The following PMM2 variants were observed in gnomAD, a reference collection of about 807,000 sequenced individuals.
PMM2 encodes mannose-6-phosphate isomerase.
In PMM2, 35 loss-of-function variants were observed where a neutral mutation model predicts 33.2. The ratio of observed to expected loss-of-function variants is 1.06; its 90% CI spans 0.81 to 1.40. PMM2 has a LOEUF of 1.40. Among genes scored for constraint, PMM2 ranks in the 40% most tolerant of loss-of-function variants. The probability of loss-of-function intolerance (pLI) is 0.00; values close to 1 mark genes in which losing one functional copy is unlikely to be tolerated. For missense variants in PMM2, 386 were observed against 306.0 expected (o/e 1.26, Z -1.95); for synonymous variants, 153 against 114.7 (o/e 1.33, Z -2.13).
intron 7 of PMM2, among the ~76,000 whole-genome samples, chr16:8,816,252 G>A (rs545228809): frequency 3.8e-4 from 58 of 151,982 alleles, no homozygotes; most frequent in Admixed American, 1.2e-3. Context: ...TCAGCCTCCC[G>A]AGTAGCTGGG....
At chr16:8,808,459 T>C (rs1003210031) in intron 4 of PMM2, 8 of 151,904 alleles carry the variant, frequency 5.3e-5, no homozygotes, top group Non-Finnish European at 8.8e-5. Context: ...TCCAGAACAG[T>C]AGAAGAGACC....
At chr16:8,804,067 C>G (rs566800632) in intron 2 of PMM2, among the ~76,000 whole-genome samples, 3 of 107,942 alleles carry the variant, frequency 2.8e-5, no homozygotes, top group African/African-American at 3.8e-5. Context: ...TAGACAGAGT[C>G]TTGCACCGTT....
intron 7 of PMM2, among the ~76,000 whole-genome samples, chr16:8,827,661 G>T (rs2060777332): frequency 7.1e-6 from 1 of 140,314 alleles, no homozygotes; most frequent in Admixed American, 7.5e-5. Context: ...CTCTCAAAGT[G>T]CTGGGATTAC....
In PMM2 at chr16:8,842,676, T is replaced by C. The variant is rs186102209; in HGVS notation, c.640-5048T>C. Among the ~76,000 whole-genome samples the C allele has an allele frequency of 4.3e-3, 662 of 152,316 alleles. 2 individuals carry two copies. Among genetic ancestry groups the C allele is most frequent in the Non-Finnish European group, 7.6e-3 (514 of 68,034 alleles). Reference sequence around the variant, plus strand: ...TGGATAGGCAAAACAATTTGGTTGATAAGGCGCAGATCCTGAACTAATCTG... The same window carrying C: ...TGGATAGGCAAAACAATTTGGTTGACAAGGCGCAGATCCTGAACTAATCTG... On this transcript the variant is annotated intron_variant, in intron 7 of 7. Coordinates refer to ENST00000268261, the MANE Select transcript of PMM2 (RefSeq NM_000303.3).
chr16:8,801,629 G>A (rs923162448), intron 1 of PMM2, among the ~76,000 whole-genome samples, 170 bp from the exon 2 acceptor site: 1 of 152,134 alleles, frequency 6.6e-6, no homozygotes, highest in African/African-American at 2.4e-5. Context: ...CTATGACCAT[G>A]CCACTGCACT....
At chr16:8,802,625 T>C (rs970807868) in intron 2 of PMM2, among the ~76,000 whole-genome samples, 5 of 151,940 alleles carry the variant, frequency 3.3e-5, no homozygotes, top group African/African-American at 1.2e-4. Flanking sequence ...GGTCAGGAGT[T>C]TGAGACCAGC....
intron 5 of PMM2, 65 bp downstream of exon 5, chr16:8,811,243 T>C (rs2060676151): frequency 9.3e-7 from 1 of 1,072,490 alleles, no homozygotes; most frequent in Non-Finnish European, 1.4e-6. Flanking sequence ...TGGCCTGGTG[T>C]GGTGGTTCAT....
chr16:8,811,003 A>T (rs1044557386), intron 4 of PMM2, 76 bp from the exon 5 acceptor site: 1 of 830,040 alleles, frequency 1.2e-6, no homozygotes, highest in Non-Finnish European at 2.0e-6. Context: ...ATTTCCCAAG[A>T]TTTTAGGCTG....
chr16:8,847,223 G>C (rs889742681), intron 7 of PMM2, among the ~76,000 whole-genome samples: 1 of 152,096 alleles, frequency 6.6e-6, no homozygotes, highest in African/African-American at 2.4e-5. Context: ...CATTGGCCAC[G>C]TTTCAAGTGT....
intron 7 of PMM2, among the ~76,000 whole-genome samples, chr16:8,845,106 G>A (rs941334439): frequency 9.8e-5 from 15 of 152,338 alleles, no homozygotes; most frequent in African/African-American, 3.6e-4. Context: ...CTGGGTGCAG[G>A]CGGGCTGAGT....
chr16:8,836,794 C>T (rs1332410088), intron 7 of PMM2, among the ~76,000 whole-genome samples: 7 of 151,474 alleles, frequency 4.6e-5, no homozygotes, highest in Admixed American at 3.9e-4. Flanking sequence ...TGCTGCCAAA[C>T]GAGCCATGAA....
intron 7 of PMM2, among the ~76,000 whole-genome samples, chr16:8,839,568 G>T (rs1339119606): frequency 6.6e-6 from 1 of 152,084 alleles, no homozygotes; most frequent in African/African-American, 2.4e-5. Flanking sequence ...GGAAGAGTCT[G>T]ATGAGCAAGG....
chr16:8,833,585 A>G (rs1230787720), intron 7 of PMM2, among the ~76,000 whole-genome samples: 1 of 151,632 alleles, frequency 6.6e-6, no homozygotes, highest in African/African-American at 2.4e-5. Context: ...GGCTGCTTCA[A>G]GCGGGATTAG....
At chr16:8,827,435 A>G (rs2060775449) in intron 7 of PMM2, among the ~76,000 whole-genome samples, 1 of 149,280 alleles carries the variant, frequency 6.7e-6, no homozygotes, top group South Asian at 2.1e-4. Flanking sequence ...TCTGTCACCC[A>G]GGCTAGATAG....
chr16:8,799,068 T>G (rs1196015315), intron 1 of PMM2, among the ~76,000 whole-genome samples: 1 of 152,212 alleles, frequency 6.6e-6, no homozygotes, highest in Admixed American at 6.5e-5. Context: ...CCAATTCATT[T>G]TTTGTAAAGG....
chr16:8,799,746 C>G (rs2060601926), intron 1 of PMM2, among the ~76,000 whole-genome samples: 1 of 152,098 alleles, frequency 6.6e-6, no homozygotes, highest in Non-Finnish European at 1.5e-5. Context: ...TGGGGTTTCA[C>G]TGTGTTGGCC....
chr16:8,815,004 C>T (rs2060698952), intron 7 of PMM2, among the ~76,000 whole-genome samples: 1 of 152,034 alleles, frequency 6.6e-6, no homozygotes, highest in South Asian at 2.1e-4. Context: ...TCCACCGCCC[C>T]GTCCCTGGCA....
intron 2 of PMM2, chr16:8,802,213 G>T: frequency 2.2e-6 from 1 of 459,970 alleles, no homozygotes; most frequent in Non-Finnish European, 4.4e-6. Context: ...CCCGTTGACA[G>T]CCCTTCTAGC....
rs886052459 is a variant in PMM2 at position 8,847,962 on chromosome 16, G to A, written c.*137G>A. On this transcript the variant is annotated 3_prime_UTR_variant, in exon 8 of 8. Coordinates refer to ENST00000268261, the MANE Select transcript of PMM2 (RefSeq NM_000303.3). Reference sequence around the variant, plus strand: ...CTGCATGCTATGCCAGGCATGTGCAGTCTGGACTTCCACCTCCAGTGCCAG... The same window carrying A: ...CTGCATGCTATGCCAGGCATGTGCAATCTGGACTTCCACCTCCAGTGCCAG... 136 of 661,766 alleles carry A rather than the reference G, an allele frequency of 2.1e-4. No homozygotes were observed. Among genetic ancestry groups the A allele is most frequent in the Non-Finnish European group, 3.2e-4 (117 of 366,844 alleles). 41.0% of individuals were successfully genotyped at this position (661,766 alleles called of 1,614,324 possible). A position where few individuals can be genotyped will look rare whatever the true frequency, so the allele number is the denominator to read the frequency against.
Sources: gnomAD v4.1 joint callset for allele counts (sites outside exome capture counted in the v4.1 genomes callset) on GRCh38, gnomAD v4.1.1 for gene constraint, MANE v1.5 for transcripts, NCBI Gene and HGNC (gene_info 2026-07-23, HGNC 2026-07-21) for gene names.